GLIS3: variants seen among roughly 807,000 people sequenced by gnomAD.
GLIS3 encodes the protein zinc finger protein GLIS3.
In GLIS3, 53 loss-of-function variants were observed where a neutral mutation model predicts 78.6. The observed-to-expected ratio is 0.67, with a 90% CI of 0.54 to 0.85. The LOEUF (loss-of-function observed/expected upper bound fraction) is 0.85, where lower values mean the gene tolerates loss of function less well. GLIS3 is among the 40% of genes least tolerant of loss of function. The probability of loss-of-function intolerance (pLI) is 0.00; values close to 1 mark genes in which losing one functional copy is unlikely to be tolerated. For missense variants in GLIS3, 1,703 were observed against 1,231.1 expected, an observed-to-expected ratio of 1.38 and a Z score of -5.74; for synonymous variants, 684 against 509.9, an observed-to-expected ratio of 1.34 and a Z score of -4.60.
At chr9:3,906,235 T>A (rs1042073762) in intron 6 of GLIS3, among the ~76,000 whole-genome samples, 6 of 152,196 alleles carry the variant, frequency 3.9e-5, no homozygotes, top group Non-Finnish European at 5.9e-5. Context: ...ACAAAGTGGT[T>A]TATCTTATAA....
At chr9:3,893,667 A>G (rs763028386) in intron 7 of GLIS3, among the ~76,000 whole-genome samples, 3 of 152,210 alleles carry the variant, frequency 2.0e-5, no homozygotes, top group Non-Finnish European at 4.4e-5. Context: ...ATCCAGAGCA[A>G]TGGTTTTCAA....
intron 9 of GLIS3, among the ~76,000 whole-genome samples, chr9:3,835,352 C>G (rs1818285387): frequency 6.6e-6 from 1 of 152,142 alleles, no homozygotes; most frequent in Non-Finnish European, 1.5e-5. Context: ...CAGGAAGGTT[C>G]CCCAGAATTT....
At chr9:3,870,286 A>G (rs747873617) in intron 8 of GLIS3, among the ~76,000 whole-genome samples, 16 of 152,228 alleles carry the variant, frequency 1.1e-4, no homozygotes, top group Non-Finnish European at 1.6e-4. Context: ...ACAAGAATTC[A>G]ATACCAGAAA....
At chr9:3,925,899 G>C (rs1825188045) in intron 6 of GLIS3, among the ~76,000 whole-genome samples, 2 of 152,114 alleles carry the variant, frequency 1.3e-5, no homozygotes, top group Non-Finnish European at 2.9e-5. Flanking sequence ...GGTAAAATTG[G>C]TTCTGTTATA....
At chr9:4,366,441 A>G in the GLIS3 span, among the ~76,000 whole-genome samples, 10 of 152,290 alleles carry the variant, frequency 6.6e-5, no homozygotes, top group African/African-American at 2.4e-4. Context: ...ACCATGCCAA[A>G]TAATTGGCTT....
chr9:4,310,067 C>G (rs1369517693), intron 3 of GLIS3, among the ~76,000 whole-genome samples: 2 of 152,210 alleles, frequency 1.3e-5, no homozygotes, highest in Non-Finnish European at 2.9e-5. Context: ...GCCAAACCAT[C>G]AGAGAATGTT....
intron 4 of GLIS3, among the ~76,000 whole-genome samples, chr9:3,964,879 G>C (rs1004767867): frequency 1.3e-5 from 2 of 152,130 alleles, no homozygotes; most frequent in Non-Finnish European, 2.9e-5. Flanking sequence ...AAAGAGAAAA[G>C]AAATGTTCCT....
In GLIS3 at chr9:4,321,365, G is replaced by C. The variant is rs371102973; in HGVS notation, n.265-10837C>G. On this transcript the variant is annotated intron_variant and non_coding_transcript_variant, in intron 2 of 4. Coordinates refer to the GLIS3 transcript ENST00000471664. ...TGAACCCAGGAGGCGGAGCTTGCAG[G>C]GAGCCGAGATGGCGCCACTGCACTC... 3.4e-5 allele frequency among the ~76,000 whole-genome samples: 4 copies of C among 118,664 alleles called. 1 individual carries two copies. Among genetic ancestry groups the C allele is most frequent in the African/African-American group, 8.4e-5 (2 of 23,730 alleles). The allele number at this position is 118,664 out of a possible 152,430, so 77.8% of individuals were successfully genotyped here.
chr9:3,986,214 G>C (rs1248763523), intron 4 of GLIS3, among the ~76,000 whole-genome samples: 1 of 152,180 alleles, frequency 6.6e-6, no homozygotes, highest in African/African-American at 2.4e-5. Context: ...TCTGTCTTCT[G>C]CTAATACCTC....
intron 4 of GLIS3, among the ~76,000 whole-genome samples, chr9:3,951,912 G>A (rs1425967562): frequency 2.7e-5 from 4 of 147,404 alleles, no homozygotes; most frequent in Admixed American, 6.8e-5. Flanking sequence ...TGGCCTTTCT[G>A]GATGATTTGA....
chr9:4,420,273 G>A, the GLIS3 span, among the ~76,000 whole-genome samples: 1 of 152,138 alleles, frequency 6.6e-6, no homozygotes, highest in African/African-American at 2.4e-5. Context: ...TGCAGAATAG[G>A]CCAGGAGTTT....
chr9:4,265,761 T>G (rs1489431086), intron 2 of GLIS3, among the ~76,000 whole-genome samples: 1 of 152,194 alleles, frequency 6.6e-6, no homozygotes, highest in African/African-American at 2.4e-5. Flanking sequence ...GTCGTGCCAT[T>G]TCATCATCAT....
At chr9:3,923,090 T>C (rs984353591) in intron 6 of GLIS3, among the ~76,000 whole-genome samples, 3 of 152,222 alleles carry the variant, frequency 2.0e-5, no homozygotes, top group African/African-American at 7.2e-5. Flanking sequence ...TGGCTGGGTG[T>C]AGTCATAGTT....
At chr9:4,369,049 T>C in the GLIS3 span, among the ~76,000 whole-genome samples, 1 of 152,188 alleles carries the variant, frequency 6.6e-6, no homozygotes. Context: ...TGTAGAGAAA[T>C]AGACTCAGAA....
intron 2 of GLIS3, among the ~76,000 whole-genome samples, chr9:4,183,389 T>C (rs746128257): frequency 2.0e-5 from 3 of 152,206 alleles, no homozygotes; most frequent in African/African-American, 4.8e-5. Flanking sequence ...TCATTACTCA[T>C]ATAATAGATA....
intron 4 of GLIS3, among the ~76,000 whole-genome samples, chr9:3,942,647 A>G (rs1377047845): frequency 3.9e-5 from 6 of 152,210 alleles, no homozygotes; most frequent in Non-Finnish European, 7.3e-5. Flanking sequence ...TAGTTCTGGA[A>G]GCTTCTTTCT....
At chr9:4,005,517 T>C (rs1821473194) in intron 4 of GLIS3, among the ~76,000 whole-genome samples, 1 of 152,340 alleles carries the variant, frequency 6.6e-6, no homozygotes, top group Non-Finnish European at 1.5e-5. Context: ...CACTTTCTAA[T>C]TGTGACCTTT....
At chr9:4,450,820 G>A in the GLIS3 span, among the ~76,000 whole-genome samples, 2 of 152,148 alleles carry the variant, frequency 1.3e-5, no homozygotes, top group Admixed American at 6.5e-5. Context: ...TCACCACCAG[G>A]CCTGCCTTAT....
chr9:4,175,597 G>A (rs891336506), intron 2 of GLIS3, among the ~76,000 whole-genome samples: 1 of 152,100 alleles, frequency 6.6e-6, no homozygotes, highest in South Asian at 2.1e-4. Context: ...TTACTCTCCT[G>A]GCAATGCTGG....
Sources: gnomAD v4.1 joint callset for allele counts (sites outside exome capture counted in the v4.1 genomes callset) on GRCh38, gnomAD v4.1.1 for gene constraint, MANE v1.5 for transcripts, NCBI Gene and HGNC (gene_info 2026-07-23, HGNC 2026-07-21) for gene names.